WDR7: variants seen among roughly 807,000 people sequenced by gnomAD.
WDR7 encodes the protein WD repeat-containing protein 7.
In WDR7, 46 loss-of-function variants were observed where a neutral mutation model predicts 169.4. The observed-to-expected ratio is 0.27, with a 90% confidence interval of 0.21 to 0.35. The LOEUF (loss-of-function observed/expected upper bound fraction) is 0.35. Among genes scored for constraint, WDR7 ranks in the 10% least tolerant of loss-of-function variants. WDR7 has a pLI of 1.00. For synonymous variants in WDR7, 612 were observed against 666.8 expected, an observed-to-expected ratio of 0.92 and a Z score of 1.27; for missense variants, 1,534 against 1,859.3, an observed-to-expected ratio of 0.83 and a Z score of 3.22.
chr18:56,781,536 A>G lies in WDR7; in HGVS notation c.3070A>G (p.Arg1024Gly). 6.2e-7 allele frequency: 1 copy of G among 1,604,008 alleles called. No homozygotes were observed. The highest frequency in any genetic ancestry group is 8.5e-7 in the Non-Finnish European group (1 of 1,174,916). ...ACATTTGGGTCTGTGGTCTTAGGTGAGAGAAGCCGCGCAGGCCCTGCTTCT... is the reference window on the plus strand; with the variant it reads ...ACATTTGGGTCTGTGGTCTTAGGTGGGAGAAGCCGCGCAGGCCCTGCTTCT... ...RRWQDRCLEV[R>G]EAAQALLLAE... is the part of the protein sequence containing the mutation. Residue 1024 changes from arginine to glycine, a missense_variant, in exon 19 of 28, where the codon AGA becomes GGA. Physicochemically the swap from Arg to Gly is moderately radical, Grantham distance 125 (BLOSUM62 -2). Transcript: ENST00000254442.
At position 56,858,459 on chromosome 18, in the gene WDR7, CT is replaced by C. The variant is rs113869669; in HGVS notation, c.3305-21477del. 9.5e-3 allele frequency among the ~76,000 whole-genome samples: 1,439 copies of C among 152,048 alleles called. 31 individuals carry two copies. The highest frequency in any genetic ancestry group is 0.031 in the African/African-American group (1,281 of 41,486). On this transcript the variant is annotated intron_variant, in intron 20 of 27. Coordinates refer to ENST00000254442, the MANE Select transcript of WDR7 (RefSeq NM_015285.3). ...CTATATTCTAAAACTATTTCACATT[CT>C]TTTTTTTATTTTAAGATTTTTATCA...
At chr18:56,786,570 C>T (rs562733363) in intron 19 of WDR7, among the ~76,000 whole-genome samples, 122 of 151,678 alleles carry the variant, frequency 8.0e-4, no homozygotes, top group African/African-American at 2.8e-3. Context: ...AAGAGTCAAG[C>T]CCTAATTGAG....
chr18:56,829,923 A>C (rs1352745072), intron 20 of WDR7, among the ~76,000 whole-genome samples: 1 of 152,204 alleles, frequency 6.6e-6, no homozygotes, highest in African/African-American at 2.4e-5. Flanking sequence ...TTAAAGATAG[A>C]TAAGTCTAAA....
chr18:56,931,041 A>G (rs1490438590), intron 22 of WDR7, among the ~76,000 whole-genome samples: 2 of 152,134 alleles, frequency 1.3e-5, no homozygotes, highest in Non-Finnish European at 2.9e-5. Context: ...TCATATTTTT[A>G]TTTAAAATAC....
At chr18:57,001,983 A>G (rs2047988111) in intron 26 of WDR7, among the ~76,000 whole-genome samples, 1 of 152,182 alleles carries the variant, frequency 6.6e-6, no homozygotes, top group Non-Finnish European at 1.5e-5. Flanking sequence ...AAATAAAGGA[A>G]AAGCAAAAAT....
At chr18:57,005,423 A>C (rs1041356607) in intron 26 of WDR7, among the ~76,000 whole-genome samples, 11 of 152,274 alleles carry the variant, frequency 7.2e-5, no homozygotes, top group African/African-American at 2.6e-4. Flanking sequence ...AGCAAGTAAA[A>C]TATTTTTATG....
chr18:56,915,388 C>T (rs913749808), intron 21 of WDR7, among the ~76,000 whole-genome samples: 2 of 152,170 alleles, frequency 1.3e-5, no homozygotes, highest in Admixed American at 6.5e-5. Context: ...ATTCATTTTG[C>T]ACTCATTGTA....
chr18:56,939,093 CTT>C (rs1226103241), intron 24 of WDR7, among the ~76,000 whole-genome samples: 1 of 151,942 alleles, frequency 6.6e-6, no homozygotes, highest in East Asian at 1.9e-4. Flanking sequence ...AGTCTGTTGT[CTT>C]TATTTTATTG....
rs538801733 is a variant in WDR7 at position 56,761,607 on chromosome 18, CATT to C, written c.2848+2657_2848+2659del. On this transcript the variant is annotated intron_variant, in intron 16 of 27. Coordinates refer to ENST00000254442, the MANE Select transcript of WDR7 (RefSeq NM_015285.3). ...AATTAATATCTTTATGGGATTCACT[CATT>C]ATACATCAACTTGATATATCTCTGC... 3.6e-4 allele frequency among the ~76,000 whole-genome samples: 55 copies of C among 152,028 alleles called. 2 individuals carry two copies. In the South Asian group the frequency reaches 0.011, roughly 30 times the overall value.
intron 12 of WDR7, among the ~76,000 whole-genome samples, chr18:56,709,980 A>G (rs1179570159): frequency 6.7e-6 from 1 of 149,492 alleles, no homozygotes; most frequent in Non-Finnish European, 1.5e-5. Flanking sequence ...AATTAAGAGA[A>G]CCACAATTTA....
intron 14 of WDR7, among the ~76,000 whole-genome samples, chr18:56,749,973 T>C (rs1021394816): frequency 5.9e-5 from 9 of 151,864 alleles, no homozygotes; most frequent in Admixed American, 5.3e-4. Flanking sequence ...TTCTAAGTTA[T>C]TGCTTTTTTG....
chr18:56,690,994 T>C (rs2144616732), intron 7 of WDR7, among the ~76,000 whole-genome samples: 1 of 152,294 alleles, frequency 6.6e-6, no homozygotes, highest in East Asian at 1.9e-4. Context: ...TCATAGCCTA[T>C]TCCCTGTCCA....
chr18:56,996,246 T>C (rs1297393396), intron 26 of WDR7, among the ~76,000 whole-genome samples: 2 of 152,338 alleles, frequency 1.3e-5, no homozygotes, highest in East Asian at 1.9e-4. Flanking sequence ...AGCTGGTAAC[T>C]GCTTCTTTTT....
At chr18:56,714,392 G>C (rs1196426189) in intron 12 of WDR7, among the ~76,000 whole-genome samples, 1 of 149,052 alleles carries the variant, frequency 6.7e-6, no homozygotes, top group Non-Finnish European at 1.5e-5. Context: ...TAACTCTTTA[G>C]ATACTTATTA....
At chr18:56,672,998 A>G (rs1011000960) in intron 2 of WDR7, among the ~76,000 whole-genome samples, 4 of 152,202 alleles carry the variant, frequency 2.6e-5, no homozygotes, top group Non-Finnish European at 5.9e-5. Context: ...AAAACCTTCT[A>G]TGGTAAATGC....
rs577455330 is a variant in WDR7 at position 56,669,191 on chromosome 18, T to C, written c.-19-3306T>C. ...AGTATAGTATTTTAAATTATTTCTA[T>C]ACAGAGCTGAGAAATAAGTGAAATT... On this transcript the variant is annotated intron_variant, in intron 1 of 27. Coordinates refer to ENST00000254442, the MANE Select transcript of WDR7 (RefSeq NM_015285.3). 7.2e-5 allele frequency among the ~76,000 whole-genome samples: 11 copies of C among 152,208 alleles called. 1 individual carries two copies. Among genetic ancestry groups the C allele is most frequent in the African/African-American group, 2.6e-4 (11 of 41,534 alleles).
At chr18:56,715,397 CTA>C (rs1373930259) in intron 12 of WDR7, among the ~76,000 whole-genome samples, 2 of 152,120 alleles carry the variant, frequency 1.3e-5, no homozygotes, top group Non-Finnish European at 2.9e-5. Context: ...AAAGGAATGA[CTA>C]GAGTATATGT....
Position 56,664,577 on chromosome 18 carries a change from T to G in WDR7, c.-19-7920T>G, listed in dbSNP as rs1427247071. On this transcript the variant is annotated intron_variant, in intron 1 of 27. Coordinates refer to ENST00000254442, the MANE Select transcript of WDR7 (RefSeq NM_015285.3). Reference sequence around the variant, plus strand: ...CATTTTTCCTCAAAAGAGTTAAATTTGAGTTGTACATGAAACCCTTAATAC... The same window carrying G: ...CATTTTTCCTCAAAAGAGTTAAATTGGAGTTGTACATGAAACCCTTAATAC... 3.3e-5 allele frequency among the ~76,000 whole-genome samples: 5 copies of G among 151,548 alleles called. No homozygotes were observed. In the East Asian group the frequency reaches 9.7e-4, roughly 30 times the overall value.
intron 26 of WDR7, among the ~76,000 whole-genome samples, chr18:56,972,928 A>G (rs1253814788): frequency 6.6e-6 from 1 of 152,124 alleles, no homozygotes; most frequent in Non-Finnish European, 1.5e-5. Flanking sequence ...CAGTCGTGCA[A>G]TCTCGGCTCA....
Sources: allele counts gnomAD v4.1 joint callset (sites outside exome capture counted in the v4.1 genomes callset), GRCh38; gene constraint gnomAD v4.1.1; transcripts MANE v1.5; gene names NCBI Gene and HGNC (gene_info 2026-07-23, HGNC 2026-07-21).